The following KCNC1 variants were observed in gnomAD, a reference collection of about 807,000 sequenced individuals.
KCNC1 encodes voltage-gated potassium channel KCNC1.
In KCNC1, 8 loss-of-function variants were observed where a neutral mutation model predicts 43.4. That is an observed-to-expected ratio of 0.18 (90% CI 0.11 to 0.33). KCNC1 has a LOEUF of 0.33. Among genes scored for constraint, KCNC1 ranks in the 10% least tolerant of loss-of-function variants. The pLI is 1.00. For missense variants in KCNC1, 420 were observed against 836.0 expected (o/e 0.50, Z 6.14); for synonymous variants, 361 against 360.5 (o/e 1.00, Z -0.01).
rs1205638545 is a variant in KCNC1 at position 17,734,982 on chromosome 11, C to G, written c.-1021C>G. The G allele has an allele frequency of 6.6e-6, 1 of 151,490 alleles. No homozygotes were observed. The allele number at this position is 151,490 out of a possible 1,614,324, so 9.4% of individuals were successfully genotyped here. A position where few individuals can be genotyped will look rare whatever the true frequency, so the allele number is the denominator to read the frequency against. ...CCCCGTCTCGGCCGGCAGCGCCCAC[C>G]GCCTGCCCGAAGCGAGGAGCGGAGT... On this transcript the variant is annotated 5_prime_UTR_variant, in exon 1 of 4. Transcript: ENST00000265969.
intron 1 of KCNC1, among the ~76,000 whole-genome samples, chr11:17,768,547 T>C (rs1381783664): frequency 7.7e-6 from 1 of 129,744 alleles, no homozygotes; most frequent in Non-Finnish European, 1.6e-5. Flanking sequence ...CCTGCTTTGA[T>C]GGCAGTGACC....
At chr11:17,767,318 A>G (rs1849165137) in intron 1 of KCNC1, among the ~76,000 whole-genome samples, 1 of 151,730 alleles carries the variant, frequency 6.6e-6, no homozygotes, top group Admixed American at 6.6e-5. Context: ...AAAGAAAAGA[A>G]AAGAAAGAAA....
intron 2 of KCNC1, chr11:17,775,943 TG>T: frequency 1.0e-5 from 10 of 985,458 alleles, no homozygotes; most frequent in Non-Finnish European, 1.2e-5. Flanking sequence ...CTTCCCCTGC[TG>T]GGCAGCAGTG....
intron 1 of KCNC1, among the ~76,000 whole-genome samples, chr11:17,764,296 C>T (rs958263404): frequency 3.3e-5 from 5 of 151,656 alleles, no homozygotes; most frequent in Admixed American, 3.3e-4. Context: ...CACTCACACA[C>T]ACCACTTCAT....
chr11:17,777,646 C>A lies in KCNC1; in HGVS notation c.1505-1810C>A, dbSNP rs990808883. 2 of 985,712 alleles carry A rather than the reference C, an allele frequency of 2.0e-6. No individual in the cohort carries two copies. Among genetic ancestry groups the A allele is most frequent in the African/African-American group, 3.5e-5 (2 of 57,248 alleles). The allele number at this position is 985,712 out of a possible 1,614,324, so 61.1% of individuals were successfully genotyped here. A position where few individuals can be genotyped will look rare whatever the true frequency, so the allele number is the denominator to read the frequency against. ...TCACATGGTGTCAGAGTTACCTTGG[C>A]AACTGGCCTTTTTGGTTCAGAGTAA... On this transcript the variant is annotated intron_variant, in intron 2 of 3. Coordinates refer to ENST00000265969, the MANE Select transcript of KCNC1 (RefSeq NM_001112741.2). The surrounding 1 kb of genome is among the most constrained non-coding windows in gnomAD (Gnocchi z 4.3).
At chr11:17,749,377 A>G (rs1848939327) in intron 1 of KCNC1, among the ~76,000 whole-genome samples, 1 of 152,184 alleles carries the variant, frequency 6.6e-6, no homozygotes, top group Admixed American at 6.5e-5. Context: ...GGAGAATATG[A>G]ATCTAATACC....
At chr11:17,740,942 TCTTGGAGTCGTGG>T (rs1017449398) in intron 1 of KCNC1, among the ~76,000 whole-genome samples, 2 of 152,110 alleles carry the variant, frequency 1.3e-5, no homozygotes, top group African/African-American at 4.8e-5. Context: ...GACACAGGGC[TCTTGGAGTCGTGG>T]CTTGGCATGC....
At position 17,761,122 on chromosome 11, in the gene KCNC1, G is replaced by A. The variant is rs140842667; in HGVS notation, c.571-10543G>A. Among the ~76,000 whole-genome samples the A allele has an allele frequency of 1.4e-3, 211 of 152,276 alleles. 2 individuals carry two copies. The highest frequency in any genetic ancestry group is 4.8e-3 in the African/African-American group (199 of 41,562). On this transcript the variant is annotated intron_variant, in intron 1 of 3. Coordinates refer to ENST00000265969, the MANE Select transcript of KCNC1 (RefSeq NM_001112741.2). Reference sequence around the variant, plus strand: ...TCGAGGACCATGTCTCTCACTGACTGGAGGCCACAGGGCTGGATCTTGGAC... The same window carrying A: ...TCGAGGACCATGTCTCTCACTGACTAGAGGCCACAGGGCTGGATCTTGGAC...
rs544308576 is a variant in KCNC1 at position 17,736,939 on chromosome 11, G to A, written c.570+367G>A. On this transcript the variant is annotated intron_variant, in intron 1 of 3. Transcript: ENST00000265969. The surrounding 1 kb of genome is among the most constrained non-coding windows in gnomAD (Gnocchi z 9.3). ...TTCGAGTGTGCATGAGCGCCTGCCC[G>A]TGAACATTTGTGTCTTTGCAGAGGT... Among the ~76,000 whole-genome samples, 4 of 152,322 alleles carry A rather than the reference G, an allele frequency of 2.6e-5. No homozygotes were observed. The highest frequency in any genetic ancestry group is 4.1e-4 in the South Asian group (2 of 4,822).
chr11:17,756,366 T>C (rs1849022239), intron 1 of KCNC1, among the ~76,000 whole-genome samples: 1 of 152,140 alleles, frequency 6.6e-6, no homozygotes, highest in Non-Finnish European at 1.5e-5. Context: ...CAAGAAGCTG[T>C]GGCTGTTTTT....
chr11:17,748,726 C>T (rs969683480), intron 1 of KCNC1, among the ~76,000 whole-genome samples: 3 of 152,036 alleles, frequency 2.0e-5, no homozygotes, highest in Non-Finnish European at 2.9e-5. Flanking sequence ...CCCATGGGTT[C>T]CCTGAGTGTT....
At position 17,736,435 on chromosome 11, in the gene KCNC1, G is replaced by T; in HGVS notation, c.433G>T (p.Gly145Cys). The change falls in exon 1 of 4, where the codon GGC (glycine) becomes TGC (cysteine). Residue 145 changes from glycine to cysteine, a missense_variant. By Grantham distance (159) the Gly-to-Cys change is radical. Around this residue, in one of 5 missense-constraint regions of KCNC1, gnomAD observed 151 missense variants for 216.7 expected, o/e 0.70. Coordinates refer to ENST00000265969, the MANE Select transcript of KCNC1 (RefSeq NM_001112741.2). The surrounding 1 kb of genome is among the most constrained non-coding windows in gnomAD (Gnocchi z 9.3). ...DADGPGDSGDGEDELEMTKRL... is the reference protein window; with the variant it reads ...DADGPGDSGDCEDELEMTKRL... ...CGACGGCCCTGGCGACTCGGGCGAC[G>T]GCGAGGACGAGCTGGAGATGACCAA... 1 of 1,606,312 alleles carries T rather than the reference G, an allele frequency of 6.2e-7. No individual in the cohort carries two copies. Among genetic ancestry groups the T allele is most frequent in the East Asian group, 2.2e-5 (1 of 44,730 alleles).
chr11:17,774,098 T>C, intron 2 of KCNC1: 1 of 985,422 alleles, frequency 1.0e-6, no homozygotes, highest in Non-Finnish European at 1.2e-6. Context: ...CCCATGGGGG[T>C]TTCCCGGTCC....
In KCNC1 at chr11:17,734,933, G is replaced by A. The variant is rs1337143410; in HGVS notation, c.-1070G>A. ...CGCCGCGCCCGGACCCGCCACCCCC[G>A]CCTCCCCGCCCGACCTCCGCAGCCC... On this transcript the variant is annotated 5_prime_UTR_variant, in exon 1 of 4. Coordinates refer to ENST00000265969, the MANE Select transcript of KCNC1 (RefSeq NM_001112741.2). The A allele has an allele frequency of 3.4e-5, 3 of 87,378 alleles. No homozygotes were observed. Among genetic ancestry groups the A allele is most frequent in the African/African-American group, 1.3e-4 (3 of 23,702 alleles). 5.4% of individuals were successfully genotyped at this position (87,378 alleles called of 1,614,324 possible). A position where few individuals can be genotyped will look rare whatever the true frequency, so the allele number is the denominator to read the frequency against.
chr11:17,778,896 G>GGTGGT (rs1849316417), intron 2 of KCNC1, among the ~76,000 whole-genome samples: 3 of 152,046 alleles, frequency 2.0e-5, no homozygotes, highest in Non-Finnish European at 4.4e-5. Flanking sequence ...GTGTGAACCA[G>GGTGGT]GTGATCAGAT....
Position 17,773,292 on chromosome 11 carries a change from T to A in KCNC1, c.1504+694T>A. ...CCACCACTCTAGAGTTTAGCCTTTA[T>A]CTTTAGGAACCTGTTGAAGTGACTC... On this transcript the variant is annotated intron_variant, in intron 2 of 3. Transcript: ENST00000265969. This position sits in a 1 kb window ranked among gnomAD's most constrained non-coding sequence, Gnocchi z 4.1. 1 of 985,430 alleles carries A rather than the reference T, an allele frequency of 1.0e-6. No homozygotes were observed. The highest frequency in any genetic ancestry group is 1.7e-5 in the African/African-American group (1 of 57,340). The allele number at this position is 985,430 out of a possible 1,614,324, so 61.0% of individuals were successfully genotyped here. A position where few individuals can be genotyped will look rare whatever the true frequency, so the allele number is the denominator to read the frequency against.
Position 17,776,110 on chromosome 11 carries a change from T to C in KCNC1, c.1505-3346T>C. 1.0e-6 allele frequency: 1 copy of C among 985,462 alleles called. No homozygotes were observed. The highest frequency in any genetic ancestry group is 1.2e-6 in the Non-Finnish European group (1 of 829,992). 61.0% of individuals were successfully genotyped at this position (985,462 alleles called of 1,614,324 possible). A position where few individuals can be genotyped will look rare whatever the true frequency, so the allele number is the denominator to read the frequency against. On this transcript the variant is annotated intron_variant, in intron 2 of 3. Transcript: ENST00000265969. This position sits in a 1 kb window ranked among gnomAD's most constrained non-coding sequence, Gnocchi z 4.4. ...GGGTCTTTGTTGTCCTCAGGTGGGC[T>C]GTGGGGGAAGTAGCGGAGAAATGAA... is the stretch of plus-strand genomic sequence containing the variant.
At chr11:17,740,827 C>G (rs950132809) in intron 1 of KCNC1, among the ~76,000 whole-genome samples, 1 of 152,134 alleles carries the variant, frequency 6.6e-6, no homozygotes. Context: ...CTTTGGAACT[C>G]GATAAAAACT....
At chr11:17,780,978 G>A (rs550332420) in intron 3 of KCNC1, 53 of 152,414 alleles carry the variant, frequency 3.5e-4, no homozygotes, top group African/African-American at 1.3e-3. Flanking sequence ...TCCCCTTTGC[G>A]ACTGGCTTTT....
Sources: gnomAD v4.1 joint callset for allele counts (sites outside exome capture counted in the v4.1 genomes callset) on GRCh38, gnomAD v4.1.1 for gene constraint, gnomAD v4.1.1 regional missense constraint, Gnocchi (gnomAD v3.1) non-coding constraint, MANE v1.5 for transcripts, NCBI Gene and HGNC (gene_info 2026-07-23, HGNC 2026-07-21) for gene names.